Variants in MRPL48 observed in about 807,000 individuals in gnomAD.
The protein encoded by MRPL48 is mitochondrial ribosomal protein L48.
A neutral mutation model predicts 32.9 loss-of-function variants in MRPL48; 16 were observed. That is an observed-to-expected ratio of 0.49 (90% CI 0.33 to 0.74). The LOEUF (loss-of-function observed/expected upper bound fraction) is 0.74. Among genes scored for constraint, MRPL48 ranks in the 30% least tolerant of loss-of-function variants. The pLI, the probability that MRPL48 is intolerant of heterozygous loss-of-function variation, is 0.02. For missense variants in MRPL48, 206 were observed against 245.3 expected (o/e 0.84, Z 1.07); for synonymous variants, 94 against 89.2 (o/e 1.05, Z -0.31).
At chr11:73,837,850 T>C (rs1327789331) in intron 4 of MRPL48, among the ~76,000 whole-genome samples, 2 of 152,136 alleles carry the variant, frequency 1.3e-5, no homozygotes, top group African/African-American at 4.8e-5. Context: ...CACAGATTTA[T>C]TTATTTATTT....
chr11:73,805,914 G>A (rs1455360407), intron 2 of MRPL48, among the ~76,000 whole-genome samples: 1 of 152,008 alleles, frequency 6.6e-6, no homozygotes, highest in Non-Finnish European at 1.5e-5. Context: ...CCAAAGTGAG[G>A]GGATTACAGG....
intron 7 of MRPL48, among the ~76,000 whole-genome samples, chr11:73,864,045 G>C (rs574410131): frequency 6.6e-6 from 1 of 152,172 alleles, no homozygotes; most frequent in African/African-American, 2.4e-5. Flanking sequence ...ATAGCATTTT[G>C]ACATTAAATC....
At chr11:73,823,316 G>A (rs895880519) in intron 3 of MRPL48, among the ~76,000 whole-genome samples, 2 of 152,002 alleles carry the variant, frequency 1.3e-5, no homozygotes, top group African/African-American at 4.8e-5. Context: ...ATGAGGGCAG[G>A]ACCACAGCAG....
chr11:73,861,652 A>T (rs921689558), intron 6 of MRPL48, among the ~76,000 whole-genome samples: 1 of 152,160 alleles, frequency 6.6e-6, no homozygotes, highest in African/African-American at 2.4e-5. Context: ...TACAGGCATG[A>T]ACCACTGTGC....
chr11:73,851,687 C>A (rs1948393046), intron 5 of MRPL48, among the ~76,000 whole-genome samples: 1 of 152,110 alleles, frequency 6.6e-6, no homozygotes, highest in South Asian at 2.1e-4. Context: ...TTCTTTAGCA[C>A]CCACTACAAG....
At chr11:73,805,200 G>GCCACCT in intron 2 of MRPL48, 121 bp downstream of exon 2, 1 of 764,062 alleles carries the variant, frequency 1.3e-6, no homozygotes, top group South Asian at 2.1e-5. Context: ...CATCTCCCCT[G>GCCACCT]CCACCTTGCT....
chr11:73,820,210 C>T (rs766111473), intron 3 of MRPL48, among the ~76,000 whole-genome samples: 11 of 152,110 alleles, frequency 7.2e-5, no homozygotes, highest in Non-Finnish European at 1.3e-4. Flanking sequence ...CGGTTGATTC[C>T]GACCACTACT....
chr11:73,788,444 A>G (rs1947085308), intron 1 of MRPL48, among the ~76,000 whole-genome samples: 1 of 151,688 alleles, frequency 6.6e-6, no homozygotes, highest in Non-Finnish European at 1.5e-5. Context: ...AAACAGCAGT[A>G]ATAAACTAGG....
chr11:73,787,916 C>A lies in MRPL48; in HGVS notation c.-56C>A. 1.3e-6 allele frequency: 2 copies of A among 1,598,534 alleles called. No individual in the cohort carries two copies. Among genetic ancestry groups the A allele is most frequent in the Non-Finnish European group, 8.5e-7 (1 of 1,171,228 alleles). ...AGTGTTTTCAGACGCCCTGGGAACG[C>A]GGCTGCAGGGTCCGGTCTTCGGTTT... On this transcript the variant is annotated 5_prime_UTR_variant, in exon 1 of 8. Coordinates refer to ENST00000310614, the MANE Select transcript of MRPL48 (RefSeq NM_016055.6).
chr11:73,840,803 C>G (rs1187824421), intron 4 of MRPL48, among the ~76,000 whole-genome samples: 1 of 151,684 alleles, frequency 6.6e-6, no homozygotes, highest in Non-Finnish European at 1.5e-5. Context: ...CCCGGCCAAC[C>G]CTGTCTCACA....
intron 3 of MRPL48, among the ~76,000 whole-genome samples, chr11:73,808,815 C>CG (rs1325167599): frequency 6.6e-6 from 1 of 151,822 alleles, no homozygotes; most frequent in Non-Finnish European, 1.5e-5. Flanking sequence ...CCCAGCTACT[C>CG]GGGAGGCCGA....
chr11:73,828,912 C>T (rs1031923879), intron 4 of MRPL48, among the ~76,000 whole-genome samples: 1 of 152,076 alleles, frequency 6.6e-6, no homozygotes, highest in Non-Finnish European at 1.5e-5. Context: ...AGTGAGATAT[C>T]CCCCTTCTAA....
rs539386463 is a variant in MRPL48 at position 73,789,683 on chromosome 11, G to C, written c.21+1691G>C. ...AGACTATAGGGAATAATGTAAACAGGAATATTTTGTAAGGAATGAAGGATG... is the reference window on the plus strand; with the variant it reads ...AGACTATAGGGAATAATGTAAACAGCAATATTTTGTAAGGAATGAAGGATG... On this transcript the variant is annotated intron_variant, in intron 1 of 7. Transcript: ENST00000310614. 3.9e-5 allele frequency among the ~76,000 whole-genome samples: 6 copies of C among 152,258 alleles called. No individual in the cohort carries two copies. In the South Asian group the frequency reaches 1.0e-3, roughly 26 times the overall value.
chr11:73,794,020 T>C (rs1947199722), intron 1 of MRPL48, among the ~76,000 whole-genome samples: 2 of 151,742 alleles, frequency 1.3e-5, no homozygotes, highest in South Asian at 2.1e-4. Flanking sequence ...AACCTTGTTT[T>C]GACAAAAAAT....
At chr11:73,808,201 A>T (rs1947494463) in intron 2 of MRPL48, 112 bp from the exon 3 acceptor site, 2 of 1,055,126 alleles carry the variant, frequency 1.9e-6, no homozygotes, top group African/African-American at 3.2e-5. Flanking sequence ...GGAAAGAAGG[A>T]GTAAGGAAAC....
At chr11:73,846,796 A>AG (rs970279966) in intron 5 of MRPL48, among the ~76,000 whole-genome samples, 3 of 151,208 alleles carry the variant, frequency 2.0e-5, no homozygotes, top group Admixed American at 6.6e-5. Flanking sequence ...TCAACCTCCT[A>AG]GGCTCAAGCG....
At chr11:73,837,635 C>T (rs1008271141) in intron 4 of MRPL48, among the ~76,000 whole-genome samples, 7 of 152,128 alleles carry the variant, frequency 4.6e-5, no homozygotes, top group African/African-American at 1.7e-4. Flanking sequence ...GACCAGAGTG[C>T]AGTCCTACAA....
intron 5 of MRPL48, among the ~76,000 whole-genome samples, chr11:73,852,805 A>G (rs1165915111): frequency 2.6e-5 from 4 of 152,214 alleles, no homozygotes; most frequent in African/African-American, 4.8e-5. Flanking sequence ...TCCCGTATTT[A>G]TTGCAGCACT....
intron 5 of MRPL48, among the ~76,000 whole-genome samples, chr11:73,845,289 G>A (rs1347633611): frequency 1.3e-5 from 2 of 152,024 alleles, no homozygotes; most frequent in Non-Finnish European, 1.5e-5. Flanking sequence ...GTTTGTGGCT[G>A]GCCTCTTTCA....
Sources: allele counts gnomAD v4.1 joint callset (sites outside exome capture counted in the v4.1 genomes callset), GRCh38; gene constraint gnomAD v4.1.1; transcripts MANE v1.5; gene names NCBI Gene and HGNC (gene_info 2026-07-23, HGNC 2026-07-21).